KCNJ6: variants seen among roughly 807,000 people sequenced by gnomAD.
KCNJ6 encodes the protein G protein-activated inward rectifier potassium channel 2.
KCNJ6 carries 9 observed loss-of-function variants against 34.2 expected under a neutral mutation model. The observed-to-expected ratio is 0.26, with a 90% CI of 0.16 to 0.46. KCNJ6 has a LOEUF of 0.46. Among genes scored for constraint, KCNJ6 ranks in the 20% least tolerant of loss-of-function variants. The pLI, the probability that KCNJ6 is intolerant of heterozygous loss-of-function variation, is 1.00. For missense variants in KCNJ6, 236 were observed against 531.3 expected, an observed-to-expected ratio of 0.44 and a Z score of 5.46; for synonymous variants, 196 against 207.1, an observed-to-expected ratio of 0.95 and a Z score of 0.46.
intron 3 of KCNJ6, among the ~76,000 whole-genome samples, chr21:37,629,832 T>C (rs1213830164): frequency 1.3e-5 from 2 of 152,230 alleles, no homozygotes; most frequent in African/African-American, 2.4e-5. Context: ...ATTTAATTTA[T>C]GTAATAAGTA....
At chr21:37,686,460 C>CTTTTTTTTTTTTTTTTTTTTTTTTTTTT in intron 3 of KCNJ6, among the ~76,000 whole-genome samples, 1 of 35,838 alleles carries the variant, frequency 2.8e-5, no homozygotes, top group Non-Finnish European at 5.7e-5. Context: ...CGGGTGAAGT[C>CTTTTTTTTTTTTTTTTTTTTTTTTTTTT]TTTTTTTTTT....
intron 3 of KCNJ6, among the ~76,000 whole-genome samples, chr21:37,680,215 G>C (rs2054584642): frequency 6.6e-6 from 1 of 152,100 alleles, no homozygotes; most frequent in South Asian, 2.1e-4. Context: ...AGTGAAAAAA[G>C]GTTGTAAAGT....
intron 1 of KCNJ6, among the ~76,000 whole-genome samples, chr21:37,914,028 T>C (rs1039069131): frequency 6.7e-6 from 1 of 149,122 alleles, no homozygotes; most frequent in Non-Finnish European, 1.5e-5. Flanking sequence ...TGTGTGTGTG[T>C]GTGTGTGTGT....
At chr21:37,888,204 G>A (rs375669875) in intron 1 of KCNJ6, among the ~76,000 whole-genome samples, 191 of 152,308 alleles carry the variant, frequency 1.3e-3, no homozygotes, top group African/African-American at 4.4e-3. Flanking sequence ...TGATTTTGGG[G>A]TGCTGGTAAC....
rs1006628115 is a variant in KCNJ6 at position 37,618,185 on chromosome 21, A to G, written c.*6974T>C. 1.3e-5 allele frequency: 2 copies of G among 152,282 alleles called. No homozygotes were observed. Among genetic ancestry groups the G allele is most frequent in the African/African-American group, 4.8e-5 (2 of 41,446 alleles). The allele number at this position is 152,282 out of a possible 1,614,324, so 9.4% of individuals were successfully genotyped here. A position where few individuals can be genotyped will look rare whatever the true frequency, so the allele number is the denominator to read the frequency against. ...ACAGTGCTCCTTCCCCTCTTCTAAG[A>G]AGACTGGCTGAAGACCCAGAGGTTT... On this transcript the variant is annotated 3_prime_UTR_variant, in exon 4 of 4. Transcript: ENST00000609713.
At chr21:37,888,921 T>C (rs2055748670) in intron 1 of KCNJ6, among the ~76,000 whole-genome samples, 1 of 152,224 alleles carries the variant, frequency 6.6e-6, no homozygotes, top group Non-Finnish European at 1.5e-5. Flanking sequence ...AGGTATAACC[T>C]GAGGCCATCA....
intron 3 of KCNJ6, among the ~76,000 whole-genome samples, chr21:37,676,527 G>T (rs73904031): frequency 0.076 from 11,584 of 152,322 alleles, 1,068 homozygotes; most frequent in African/African-American, 0.21. Flanking sequence ...CGTATGAGGT[G>T]CAGGGCAGCT....
chr21:37,757,671 GGA>G (rs2055037436), intron 2 of KCNJ6, among the ~76,000 whole-genome samples: 1 of 130,532 alleles, frequency 7.7e-6, no homozygotes, highest in South Asian at 2.6e-4. Flanking sequence ...ATTCCAGCCT[GGA>G]GAGAGTACTC....
chr21:37,684,014 A>C (rs2123420970), intron 3 of KCNJ6, among the ~76,000 whole-genome samples: 1 of 152,316 alleles, frequency 6.6e-6, no homozygotes, highest in African/African-American at 2.4e-5. Context: ...TCCAACAACA[A>C]CTGAACTGGT....
At chr21:37,855,079 A>G (rs1319371120) in intron 1 of KCNJ6, among the ~76,000 whole-genome samples, 1 of 152,254 alleles carries the variant, frequency 6.6e-6, no homozygotes, top group East Asian at 1.9e-4. Context: ...TGCCCACAGC[A>G]TATATACCAA....
intron 3 of KCNJ6, among the ~76,000 whole-genome samples, chr21:37,647,605 C>G (rs537276383): frequency 4.6e-5 from 7 of 152,280 alleles, no homozygotes; most frequent in Non-Finnish European, 1.0e-4. Flanking sequence ...TTAATCCCCC[C>G]CAGAGTTAGG....
At chr21:37,798,367 T>A (rs1246441765) in intron 2 of KCNJ6, among the ~76,000 whole-genome samples, 9 of 152,150 alleles carry the variant, frequency 5.9e-5, no homozygotes, top group Admixed American at 5.9e-4. Flanking sequence ...GTCCCATGAG[T>A]CTCACTCCTA....
At position 37,614,613 on chromosome 21, in the gene KCNJ6, C is replaced by A. The variant is rs1403242206; in HGVS notation, c.*10546G>T. The A allele has an allele frequency of 1.8e-5, 1 of 55,972 alleles. No homozygotes were observed. The allele number at this position is 55,972 out of a possible 1,614,324, so 3.5% of individuals were successfully genotyped here. On this transcript the variant is annotated 3_prime_UTR_variant, in exon 4 of 4. Coordinates refer to ENST00000609713, the MANE Select transcript of KCNJ6 (RefSeq NM_002240.5). ...ATGTGTGTGTATGCATGTCTGTATG[C>A]GTGTGTGTATGCATATGTCTGTGTG...
In KCNJ6 at chr21:37,619,825, G is replaced by C. The variant is rs2054284683; in HGVS notation, c.*5334C>G. 1 of 152,182 alleles carries C rather than the reference G, an allele frequency of 6.6e-6. No homozygotes were observed. Among genetic ancestry groups the C allele is most frequent in the Non-Finnish European group, 1.5e-5 (1 of 68,056 alleles). The allele number at this position is 152,182 out of a possible 1,614,324, so 9.4% of individuals were successfully genotyped here. ...CCACTGAAGCAATATTTCAGCGGCTGGGCTGGGAATGCCCATTTCTCTGTA... is the reference window on the plus strand; with the variant it reads ...CCACTGAAGCAATATTTCAGCGGCTCGGCTGGGAATGCCCATTTCTCTGTA... On this transcript the variant is annotated 3_prime_UTR_variant, in exon 4 of 4. Coordinates refer to ENST00000609713, the MANE Select transcript of KCNJ6 (RefSeq NM_002240.5).
intron 3 of KCNJ6, among the ~76,000 whole-genome samples, chr21:37,694,181 C>T (rs1426936979): frequency 1.3e-5 from 2 of 152,130 alleles, no homozygotes; most frequent in Non-Finnish European, 2.9e-5. Flanking sequence ...ACCTGTGGGC[C>T]CTGAGTTTTC....
intron 2 of KCNJ6, among the ~76,000 whole-genome samples, chr21:37,718,278 C>T (rs574071160): frequency 6.6e-6 from 1 of 152,294 alleles, no homozygotes; most frequent in East Asian, 1.9e-4. Flanking sequence ...ATCTATCTGT[C>T]TAGAAACCAG....
chr21:37,717,036 C>T (rs1212361010), intron 2 of KCNJ6: 2 of 154,250 alleles, frequency 1.3e-5, no homozygotes, highest in Non-Finnish European at 2.9e-5. Context: ...TTTGAGTGCC[C>T]CCAACCTAAC....
At chr21:37,726,623 G>T (rs1407050534) in intron 2 of KCNJ6, among the ~76,000 whole-genome samples, 3 of 152,198 alleles carry the variant, frequency 2.0e-5, no homozygotes, top group African/African-American at 7.2e-5. Flanking sequence ...TGTGTGTAAA[G>T]AATGAATGTT....
At chr21:37,903,482 T>C (rs1032924964) in intron 1 of KCNJ6, among the ~76,000 whole-genome samples, 4 of 152,202 alleles carry the variant, frequency 2.6e-5, no homozygotes, top group Admixed American at 2.6e-4. Flanking sequence ...AGCATGAGAA[T>C]GGACTAATAT....
Sources: gnomAD v4.1 joint callset for allele counts (sites outside exome capture counted in the v4.1 genomes callset) on GRCh38, gnomAD v4.1.1 for gene constraint, MANE v1.5 for transcripts, NCBI Gene and HGNC (gene_info 2026-07-23, HGNC 2026-07-21) for gene names.